Variants in DUSP13B observed in about 807,000 individuals in gnomAD.
The protein encoded by DUSP13B is dual specificity phosphatase 13B, also known as dual specificity protein phosphatase 13B.
chr10:75,107,858 T>C, the DUSP13B span: 5 of 1,120,644 alleles, frequency 4.5e-6, no homozygotes, highest in South Asian at 8.0e-5. Context: ...ATTACAAGCA[T>C]GAGCCACCAC....
chr10:75,107,133 C>G, the DUSP13B span, among the ~76,000 whole-genome samples: 1 of 152,116 alleles, frequency 6.6e-6, no homozygotes, highest in Admixed American at 6.6e-5. Context: ...GTTAGGAGTT[C>G]GAGACCAGCC....
At chr10:75,105,546 C>CCA in the DUSP13B span, 1 of 1,054,430 alleles carries the variant, frequency 9.5e-7, no homozygotes, top group Non-Finnish European at 1.4e-6. Context: ...TCACTTCCAG[C>CCA]CACACACAGC....
At chr10:75,103,972 G>A in the DUSP13B span, 3,621 of 1,337,402 alleles carry the variant, frequency 2.7e-3, 90 homozygotes, top group African/African-American at 0.048. Flanking sequence ...CTCTAGGGCC[G>A]ACCCCACGCT....
At chr10:75,108,920 T>G in the DUSP13B span, 2 of 1,493,310 alleles carry the variant, frequency 1.3e-6, no homozygotes. Context: ...CTATTTCTCC[T>G]TGTTTCCACC....
the DUSP13B span, among the ~76,000 whole-genome samples, chr10:75,102,743 G>A: frequency 3.9e-5 from 6 of 152,176 alleles, no homozygotes; most frequent in African/African-American, 7.2e-5. Flanking sequence ...ACCTGAGGTC[G>A]GGAGTTCGAG....
the DUSP13B span, chr10:75,102,092 T>TCCAGGC: frequency 3.6e-6 from 2 of 550,032 alleles, no homozygotes; most frequent in African/African-American, 3.9e-5. Flanking sequence ...CACCTTTCCC[T>TCCAGGC]CCAGGCCCAG....
the DUSP13B span, among the ~76,000 whole-genome samples, chr10:75,104,879 T>C: frequency 2.0e-5 from 3 of 151,968 alleles, no homozygotes; most frequent in Non-Finnish European, 2.9e-5. Context: ...AGACAGGAAC[T>C]GCTCTTAGGG....
chr10:75,102,152 A>C, the DUSP13B span, among the ~76,000 whole-genome samples: 1 of 152,218 alleles, frequency 6.6e-6, no homozygotes, highest in Admixed American at 6.5e-5. Context: ...CCCAGGTCTG[A>C]CTGTGGCATA....
the DUSP13B span, chr10:75,108,359 G>T: frequency 1.5e-6 from 2 of 1,370,232 alleles, no homozygotes; most frequent in Non-Finnish European, 1.9e-6. Context: ...TGACTCCACA[G>T]CCCTATACCC....
the DUSP13B span, chr10:75,099,406 T>C: frequency 8.1e-7 from 1 of 1,232,556 alleles, no homozygotes; most frequent in Non-Finnish European, 1.0e-6. Context: ...CCTCTCCAGG[T>C]GGCTGAGTGG....
chr10:75,100,819 C>T, the DUSP13B span, among the ~76,000 whole-genome samples: 1 of 152,234 alleles, frequency 6.6e-6, no homozygotes, highest in African/African-American at 2.4e-5. Flanking sequence ...CCCCGTTTGC[C>T]TCTGTCTCCC....
the DUSP13B span, chr10:75,105,888 GA>G: frequency 1.3e-6 from 2 of 1,543,950 alleles, no homozygotes; most frequent in Non-Finnish European, 1.8e-6. Flanking sequence ...ACATCCTGGT[GA>G]AAAACCCTGT....
At chr10:75,104,273 T>C in the DUSP13B span, among the ~76,000 whole-genome samples, 5 of 152,162 alleles carry the variant, frequency 3.3e-5, no homozygotes, top group African/African-American at 9.7e-5. Context: ...TTGGTATCCA[T>C]GGCTTAGGGA....
the DUSP13B span, among the ~76,000 whole-genome samples, chr10:75,105,072 A>G: frequency 6.6e-6 from 1 of 152,166 alleles, no homozygotes; most frequent in Non-Finnish European, 1.5e-5. Flanking sequence ...AAGGAGTTGT[A>G]GAGGAAGCAG....
the DUSP13B span, chr10:75,105,997 C>T: frequency 2.5e-6 from 2 of 786,264 alleles, no homozygotes; most frequent in Non-Finnish European, 4.2e-6. Context: ...AGTCACTCAG[C>T]CTTTATGGAC....
chr10:75,097,976 G>T, the DUSP13B span: 1 of 1,189,992 alleles, frequency 8.4e-7, no homozygotes, highest in Non-Finnish European at 1.1e-6. Flanking sequence ...GTGCCTAGGT[G>T]CCACGGGGAT....
At chr10:75,105,730 C>A in the DUSP13B span, 2 of 1,554,536 alleles carry the variant, frequency 1.3e-6, no homozygotes, top group African/African-American at 1.4e-5. Context: ...CAGGAAGCCT[C>A]GGTTGGGGAA....
chr10:75,097,608 T>C, the DUSP13B span: 1 of 1,119,138 alleles, frequency 8.9e-7, no homozygotes. Flanking sequence ...GAGGCAAGCG[T>C]GCCACCTCTG....
the DUSP13B span, chr10:75,108,137 G>A: frequency 1.9e-6 from 3 of 1,613,334 alleles, no homozygotes; most frequent in Middle Eastern, 3.5e-4. Flanking sequence ...GACAGTAGAG[G>A]CCCTTGTGGG....
Sources: allele counts gnomAD v4.1 joint callset (sites outside exome capture counted in the v4.1 genomes callset), GRCh38; gene constraint gnomAD v4.1.1; transcripts MANE v1.5; gene names NCBI Gene and HGNC (gene_info 2026-07-23, HGNC 2026-07-21).